The following SENP3 variants were observed in gnomAD, a reference collection of about 807,000 sequenced individuals.
SENP3 encodes the protein sentrin-specific protease 3.
In SENP3, 11 loss-of-function variants were observed where a neutral mutation model predicts 66.2. That is an observed-to-expected ratio of 0.17 (90% CI 0.10 to 0.28). The LOEUF (loss-of-function observed/expected upper bound fraction) is 0.28, where lower values mean the gene tolerates loss of function less well. Ranked by LOEUF, SENP3 falls within the 10% of genes least tolerant of loss-of-function variation. The pLI is 1.00. For synonymous variants in SENP3, 292 were observed against 277.6 expected, an observed-to-expected ratio of 1.05 and a Z score of -0.52; for missense variants, 548 against 743.7, an observed-to-expected ratio of 0.74 and a Z score of 3.06.
chr17:7,566,841 A>T, intron 6 of SENP3, 86 bp from the exon 7 acceptor site: 1 of 947,556 alleles, frequency 1.1e-6, no homozygotes, highest in Non-Finnish European at 1.6e-6. Context: ...ATTTGTTTTT[A>T]CTGTCAGTGG....
rs766768640 is a variant in SENP3 at position 7,564,657 on chromosome 17, G to A, written c.748G>A (p.Gly250Arg). ...LLSCTLPNGF[G>R]GQSGPEGERS... ...TTCATGTACTCTGCCCAACGGTTTT[G>A]GGGGACAATCTGGGCCAGAAGGGGA... The change falls in exon 3 of 11, where the codon GGG becomes AGG. Residue 250 changes from glycine to arginine, a missense_variant. By Grantham distance (125) the Gly-to-Arg change is moderately radical. Around this residue, in one of 6 missense-constraint regions of SENP3, gnomAD observed 215 missense variants for 230.7 expected, o/e 0.93. Coordinates refer to ENST00000321337, the MANE Select transcript of SENP3 (RefSeq NM_015670.6). The A allele has an allele frequency of 6.2e-7, 1 of 1,614,002 alleles. No homozygotes were observed. The highest frequency in any genetic ancestry group is 8.5e-7 in the Non-Finnish European group (1 of 1,179,892).
At position 7,571,514 on chromosome 17, in the gene SENP3, T is replaced by C. The variant is rs2071314564; in HGVS notation, c.*31T>C. 6.5e-7 allele frequency: 1 copy of C among 1,531,006 alleles called. No individual in the cohort carries two copies. Among genetic ancestry groups the C allele is most frequent in the Admixed American group, 1.7e-5 (1 of 59,570 alleles). 94.8% of individuals were successfully genotyped at this position (1,531,006 alleles called of 1,614,324 possible). ...GTACCCCAGACCCCAAGCCCATAAATGGGAAGGGAGACATGGGAGTCCCTT... is the reference window on the plus strand; with the variant it reads ...GTACCCCAGACCCCAAGCCCATAAACGGGAAGGGAGACATGGGAGTCCCTT... On this transcript the variant is annotated 3_prime_UTR_variant, in exon 11 of 11. Coordinates refer to ENST00000321337, the MANE Select transcript of SENP3 (RefSeq NM_015670.6).
At position 7,565,727 on chromosome 17, in the gene SENP3, T is replaced by C. The variant is rs753018189; in HGVS notation, c.1226T>C (p.Met409Thr). 4 of 1,613,886 alleles carry C rather than the reference T, an allele frequency of 2.5e-6. No homozygotes were observed. The highest frequency in any genetic ancestry group is 3.4e-6 in the Non-Finnish European group (4 of 1,179,898). Residue 409 changes from methionine to threonine, a missense_variant, in exon 6 of 11, where the codon ATG becomes ACG. Physicochemically the swap from Met to Thr is moderately conservative, Grantham distance 81. Coordinates refer to ENST00000321337, the MANE Select transcript of SENP3 (RefSeq NM_015670.6). ...CCATCTTCTCCCCAGGTGATGAACATGTATGGAGACCTGGTCATGGACACA... is the reference window on the plus strand; with the variant it reads ...CCATCTTCTCCCCAGGTGATGAACACGTATGGAGACCTGGTCATGGACACA... ...QNWLNDQVMN[M>T]YGDLVMDTVP...
intron 7 of SENP3, 103 bp downstream of exon 7, chr17:7,567,107 C>G: frequency 1.2e-6 from 1 of 826,262 alleles, no homozygotes; most frequent in Non-Finnish European, 2.1e-6. Flanking sequence ...TTCAGTCTTT[C>G]AAAGATTAAA....
chr17:7,571,849 A>T lies in SENP3; in HGVS notation c.*366A>T, dbSNP rs1224283946. Reference sequence around the variant, plus strand: ...GATCTTCAAACTTTTATATATATATATATATATATATATATATATATATAT... The same window carrying T: ...GATCTTCAAACTTTTATATATATATTTATATATATATATATATATATATAT... On this transcript the variant is annotated 3_prime_UTR_variant, in exon 11 of 11. Coordinates refer to ENST00000321337, the MANE Select transcript of SENP3 (RefSeq NM_015670.6). 1 of 1,514 alleles carries T rather than the reference A, an allele frequency of 6.6e-4. No individual in the cohort carries two copies. Among genetic ancestry groups the T allele is most frequent in the Non-Finnish European group, 1.3e-3 (1 of 786 alleles). 0.1% of individuals were successfully genotyped at this position (1,514 alleles called of 1,614,324 possible).
chr17:7,562,436 C>T lies in SENP3; in HGVS notation c.-12+173C>T, dbSNP rs1014391625. 1.3e-5 allele frequency among the ~76,000 whole-genome samples: 2 copies of T among 152,214 alleles called. No individual in the cohort carries two copies. The highest frequency in any genetic ancestry group is 2.9e-5 in the Non-Finnish European group (2 of 68,036). On this transcript the variant is annotated intron_variant, in intron 1 of 10. Transcript: ENST00000321337. This position sits in a 1 kb window ranked among gnomAD's most constrained non-coding sequence, Gnocchi z 5.0. ...TGGTGCCGGGTTGCATTCTGGTCCCCGAGGATGAAGTAGGAGGGGGCTGGG... is the reference window on the plus strand; with the variant it reads ...TGGTGCCGGGTTGCATTCTGGTCCCTGAGGATGAAGTAGGAGGGGGCTGGG...
Position 7,562,077 on chromosome 17 carries a change from G to GGCGGC in SENP3, c.-191_-187dup, listed in dbSNP as rs1177175568. 2.3e-5 allele frequency: 9 copies of GGCGGC among 398,874 alleles called. No homozygotes were observed. The East Asian group carries it at 2.8e-4, about 13-fold the overall frequency. The allele number at this position is 398,874 out of a possible 1,614,324, so 24.7% of individuals were successfully genotyped here. ...AAGCTGAAGCTGAAGCAGAGCCAGA[G>GGCGGC]GCGGCGCGGCGGGGTGCTCGGCGGC... On this transcript the variant is annotated 5_prime_UTR_variant, in exon 1 of 11. Transcript: ENST00000321337. The surrounding 1 kb of genome is among the most constrained non-coding windows in gnomAD (Gnocchi z 5.0).
chr17:7,570,374 G>A lies in SENP3; in HGVS notation c.1360G>A (p.Glu454Lys). 6.2e-7 allele frequency: 1 copy of A among 1,613,740 alleles called. No individual in the cohort carries two copies. Among genetic ancestry groups the A allele is most frequent in the Non-Finnish European group, 8.5e-7 (1 of 1,179,730 alleles). Residue 454 changes from glutamate (E) to lysine (K), a missense_variant, in exon 8 of 11, where the codon GAG (glutamate) becomes AAG (lysine). This residue lies in a region of SENP3 where 4 missense variants were observed against 34.9 expected (regional missense o/e 0.11). Coordinates refer to ENST00000321337, the MANE Select transcript of SENP3 (RefSeq NM_015670.6). This position sits in a 1 kb window ranked among gnomAD's most constrained non-coding sequence, Gnocchi z 5.4. ...TCTTTAGGTGGACATCTTCAATAAG[G>A]AGCTACTGCTAATCCCCATCCACCT... ...WTKNVDIFNK[E>K]LLLIPIHLEV...
intron 2 of SENP3, among the ~76,000 whole-genome samples, chr17:7,564,001 C>T (rs1201247785): frequency 6.6e-6 from 1 of 152,086 alleles, no homozygotes; most frequent in Non-Finnish European, 1.5e-5. Context: ...GTTTCCCAGG[C>T]AGAGCTAGGA....
In SENP3 at chr17:7,563,126, G is replaced by C; in HGVS notation, c.50G>C (p.Gly17Ala). 6.5e-7 allele frequency: 1 copy of C among 1,527,362 alleles called. No individual in the cohort carries two copies. The highest frequency in any genetic ancestry group is 8.8e-7 in the Non-Finnish European group (1 of 1,139,746). 94.6% of individuals were successfully genotyped at this position (1,527,362 alleles called of 1,614,324 possible). Residue 17 changes from glycine to alanine, a missense_variant, in exon 2 of 11, where the codon GGA becomes GCA. By Grantham distance (60) the Gly-to-Ala change is moderately conservative (BLOSUM62 0). Coordinates refer to ENST00000321337, the MANE Select transcript of SENP3 (RefSeq NM_015670.6). ...GGGTCCTGGGGGCCTGAGCCTCCTG[G>C]ACCCGGCATACCCCCAGCTTACTCA... is the stretch of plus-strand genomic sequence containing the variant. ...GTGSWGPEPP[G>A]PGIPPAYSSP...
chr17:7,565,312 C>A, intron 4 of SENP3, 128 bp from the exon 5 acceptor site: 1 of 1,169,824 alleles, frequency 8.5e-7, no homozygotes. Flanking sequence ...TTCGCAGGTC[C>A]TCAGAAGGAC....
chr17:7,567,136 G>A, intron 7 of SENP3, 132 bp downstream of exon 7: 1 of 718,932 alleles, frequency 1.4e-6, no homozygotes, highest in Non-Finnish European at 2.5e-6. Flanking sequence ...GTGTGTGTAG[G>A]CACTAAGGAT....
At chr17:7,564,285 T>A in intron 2 of SENP3, 1 of 432,238 alleles carries the variant, frequency 2.3e-6, no homozygotes, top group Non-Finnish European at 4.3e-6. Context: ...TTACATATTC[T>A]AGTATTCATT....
chr17:7,564,927 G>A, intron 3 of SENP3, 32 bp from the exon 4 acceptor site: 1 of 1,609,764 alleles, frequency 6.2e-7, no homozygotes, highest in Non-Finnish European at 8.5e-7. Context: ...GAGTCTGGAG[G>A]CCTCACCCCC....
Position 7,570,628 on chromosome 17 carries a change from T to G in SENP3, c.1480-53T>G. 6.3e-7 allele frequency: 1 copy of G among 1,587,996 alleles called. No individual in the cohort carries two copies. The stretch of plus-strand genomic sequence containing the variant: ...TCTGCCAGCACTGTACCCACCATAC[T>G]GTGTTCAATTGAGAAACTTAGGGCA... On this transcript the variant is annotated intron_variant, in intron 8 of 10. Transcript: ENST00000321337. The surrounding 1 kb of genome is among the most constrained non-coding windows in gnomAD (Gnocchi z 5.4).
Position 7,562,242 on chromosome 17 carries a change from C to G in SENP3, c.-33C>G. ...CGGAGACGCCCGCCTTCGGGCCCGT[C>G]CGCCCGGCTTCCCCGCTCCCGGTGA... On this transcript the variant is annotated 5_prime_UTR_variant, in exon 1 of 11. Transcript: ENST00000321337. This position sits in a 1 kb window ranked among gnomAD's most constrained non-coding sequence, Gnocchi z 5.0. The G allele has an allele frequency of 2.5e-6, 1 of 398,486 alleles. No homozygotes were observed. Among genetic ancestry groups the G allele is most frequent in the East Asian group, 3.6e-5 (1 of 28,066 alleles). 24.7% of individuals were successfully genotyped at this position (398,486 alleles called of 1,614,324 possible).
rs564955270 is a variant in SENP3 at position 7,562,171 on chromosome 17, C to G, written c.-104C>G. 2.5e-6 allele frequency: 1 copy of G among 398,314 alleles called. No homozygotes were observed. The highest frequency in any genetic ancestry group is 4.4e-6 in the Non-Finnish European group (1 of 225,806). The allele number at this position is 398,314 out of a possible 1,614,324, so 24.7% of individuals were successfully genotyped here. A position where few individuals can be genotyped will look rare whatever the true frequency, so the allele number is the denominator to read the frequency against. ...CTGCGCCTAAAGACAGCAGGAGTGG[C>G]GGGGCCGCCGCCGTCGCCGGAGAGA... On this transcript the variant is annotated 5_prime_UTR_variant, in exon 1 of 11. Coordinates refer to ENST00000321337, the MANE Select transcript of SENP3 (RefSeq NM_015670.6). The surrounding 1 kb of genome is among the most constrained non-coding windows in gnomAD (Gnocchi z 5.0).
chr17:7,563,975 G>C (rs1416473458), intron 2 of SENP3, among the ~76,000 whole-genome samples, 184 bp downstream of exon 2: 1 of 152,178 alleles, frequency 6.6e-6, no homozygotes, highest in Non-Finnish European at 1.5e-5. Flanking sequence ...AAGTAAGCCT[G>C]GGAGTGAGCC....
Position 7,571,623 on chromosome 17 carries a change from T to G in SENP3, c.*140T>G. On this transcript the variant is annotated 3_prime_UTR_variant, in exon 11 of 11. Coordinates refer to ENST00000321337, the MANE Select transcript of SENP3 (RefSeq NM_015670.6). Reference sequence around the variant, plus strand: ...TTTCATATTTAAATGTTTCAATTTCTGTATTTTTTTTTCTTTGAGAGAATA... The same window carrying G: ...TTTCATATTTAAATGTTTCAATTTCGGTATTTTTTTTTCTTTGAGAGAATA... 1.7e-6 allele frequency: 1 copy of G among 597,024 alleles called. No individual in the cohort carries two copies. Among genetic ancestry groups the G allele is most frequent in the Non-Finnish European group, 2.9e-6 (1 of 339,188 alleles). 37.0% of individuals were successfully genotyped at this position (597,024 alleles called of 1,614,324 possible).
Sources: allele counts gnomAD v4.1 joint callset (sites outside exome capture counted in the v4.1 genomes callset), GRCh38; gene constraint gnomAD v4.1.1; regional missense constraint gnomAD v4.1.1; non-coding constraint Gnocchi (gnomAD v3.1); transcripts MANE v1.5; gene names NCBI Gene and HGNC (gene_info 2026-07-23, HGNC 2026-07-21).